The following GPR176 variants were observed in gnomAD, a reference collection of about 807,000 sequenced individuals.
GPR176 encodes G-protein coupled receptor 176.
In GPR176, 26 loss-of-function variants were observed where a neutral mutation model predicts 35.4. The observed-to-expected ratio is 0.74, with a 90% confidence interval of 0.54 to 1.02. GPR176 has a LOEUF of 1.02. Ranked by LOEUF, GPR176 falls within the 50% of genes least tolerant of loss-of-function variation. The pLI is 0.00. For missense variants in GPR176, 597 were observed against 665.3 expected, an observed-to-expected ratio of 0.90 and a Z score of 1.13; for synonymous variants, 278 against 271.3, an observed-to-expected ratio of 1.02 and a Z score of -0.24.
intron 1 of GPR176, among the ~76,000 whole-genome samples, chr15:39,898,104 A>G (rs74008993): frequency 0.012 from 1,773 of 152,192 alleles, 24 homozygotes; most frequent in African/African-American, 0.031. Context: ...GATAAAACTT[A>G]TTATCTTTAT....
At chr15:39,831,934 G>A (rs557367900) in intron 1 of GPR176, among the ~76,000 whole-genome samples, 1 of 151,574 alleles carries the variant, frequency 6.6e-6, no homozygotes, top group South Asian at 2.1e-4. Flanking sequence ...GGTATACAAG[G>A]CTCTTCATGA....
intron 1 of GPR176, among the ~76,000 whole-genome samples, chr15:39,840,295 T>C (rs1018689685): frequency 1.3e-5 from 2 of 152,208 alleles, no homozygotes; most frequent in African/African-American, 4.8e-5. Context: ...TGGAATTCTA[T>C]GCAGCCATAA....
intron 1 of GPR176, among the ~76,000 whole-genome samples, chr15:39,853,672 G>A (rs925301049): frequency 2.0e-5 from 3 of 152,094 alleles, no homozygotes; most frequent in Non-Finnish European, 2.9e-5. Flanking sequence ...GGAACATTTG[G>A]CAATGTAAGG....
At chr15:39,824,614 C>T (rs1366936333) in intron 1 of GPR176, among the ~76,000 whole-genome samples, 1 of 152,240 alleles carries the variant, frequency 6.6e-6, no homozygotes, top group African/African-American at 2.4e-5. Context: ...ATTTTTACCA[C>T]TATAGCCCCA....
chr15:39,821,439 C>T (rs943385839), intron 1 of GPR176, among the ~76,000 whole-genome samples: 2 of 152,152 alleles, frequency 1.3e-5, no homozygotes, highest in African/African-American at 4.8e-5. Flanking sequence ...GCCACAGTTT[C>T]CATTAGTCTT....
chr15:39,841,334 AC>A (rs2029963530), intron 1 of GPR176, among the ~76,000 whole-genome samples: 1 of 64,982 alleles, frequency 1.5e-5, no homozygotes, highest in Non-Finnish European at 3.2e-5. Flanking sequence ...ACCCCACCCC[AC>A]CCCAAAAAAT....
intron 1 of GPR176, among the ~76,000 whole-genome samples, chr15:39,874,454 C>T (rs916819121): frequency 6.6e-6 from 1 of 152,114 alleles, no homozygotes; most frequent in Non-Finnish European, 1.5e-5. Flanking sequence ...ATAACAAATT[C>T]CAAAGTTCTT....
At chr15:39,860,916 G>A (rs950985747) in intron 1 of GPR176, 3 of 152,190 alleles carry the variant, frequency 2.0e-5, no homozygotes, top group African/African-American at 7.2e-5. Flanking sequence ...GGTACCAGGT[G>A]GAAAGCCTAA....
chr15:39,912,919 A>T (rs184145360), intron 1 of GPR176, among the ~76,000 whole-genome samples: 97 of 152,322 alleles, frequency 6.4e-4, no homozygotes, highest in Non-Finnish European at 2.6e-4. Flanking sequence ...TCCTAAAAAG[A>T]AGAGTTACCA....
chr15:39,877,808 C>T (rs527317439), intron 1 of GPR176, among the ~76,000 whole-genome samples: 12 of 152,090 alleles, frequency 7.9e-5, no homozygotes, highest in African/African-American at 2.7e-4. Context: ...GTGATCTGCC[C>T]GCCTTGGCCT....
intron 1 of GPR176, among the ~76,000 whole-genome samples, chr15:39,838,519 G>A (rs1420494202): frequency 1.3e-5 from 2 of 151,996 alleles, no homozygotes; most frequent in Admixed American, 1.3e-4. Flanking sequence ...TAGCCCATAA[G>A]GGTTCAATAT....
chr15:39,844,549 C>A (rs1224409069), intron 1 of GPR176, among the ~76,000 whole-genome samples: 1 of 151,814 alleles, frequency 6.6e-6, no homozygotes, highest in East Asian at 1.9e-4. Flanking sequence ...GTTCCGAGGA[C>A]CTAATGGGAG....
intron 1 of GPR176, among the ~76,000 whole-genome samples, chr15:39,881,108 C>T (rs1051659561): frequency 2.6e-4 from 40 of 152,084 alleles, no homozygotes; most frequent in African/African-American, 8.7e-4. Context: ...ATAATTTATG[C>T]TCCCACCACC....
chr15:39,816,047 A>C (rs1899878703), intron 1 of GPR176, among the ~76,000 whole-genome samples: 2 of 152,256 alleles, frequency 1.3e-5, no homozygotes, highest in Admixed American at 1.3e-4. Context: ...AGCTAGGCAC[A>C]GAAAGACAAA....
chr15:39,873,372 G>T (rs551151176), intron 1 of GPR176, among the ~76,000 whole-genome samples: 2 of 152,276 alleles, frequency 1.3e-5, no homozygotes, highest in East Asian at 3.9e-4. Context: ...GTGATAATGG[G>T]AAACATTTCA....
chr15:39,807,253 A>G lies in GPR176; in HGVS notation c.178T>C (p.Phe60Leu). Residue 60 changes from phenylalanine to leucine, a missense_variant, in exon 2 of 3, where the codon TTC becomes CTC. Physicochemically the swap from Phe to Leu is conservative, Grantham distance 22. Transcript: ENST00000561100. ...CGGCAAGTTGACCATAACACCATGA[A>G]GTTTCCTGGTCAGATATGAAAGAAA... ...VIFIGSLLGNFMVLWSTCRTT... is the reference protein window; with the variant it reads ...VIFIGSLLGNLMVLWSTCRTT... 1 of 1,549,120 alleles carries G rather than the reference A, an allele frequency of 6.5e-7. No homozygotes were observed. Among genetic ancestry groups the G allele is most frequent in the South Asian group, 1.2e-5 (1 of 80,100 alleles).
chr15:39,840,856 A>G (rs1255510983), intron 1 of GPR176, among the ~76,000 whole-genome samples: 1 of 152,206 alleles, frequency 6.6e-6, no homozygotes, highest in Non-Finnish European at 1.5e-5. Flanking sequence ...TTTTACATGT[A>G]TCCTATCATT....
At chr15:39,876,432 C>T (rs1014441375) in intron 1 of GPR176, among the ~76,000 whole-genome samples, 4 of 152,034 alleles carry the variant, frequency 2.6e-5, no homozygotes, top group African/African-American at 7.2e-5. Context: ...TTTAAACACA[C>T]CTTCTCTCTC....
intron 1 of GPR176, among the ~76,000 whole-genome samples, chr15:39,821,072 C>G (rs1302978584): frequency 6.6e-6 from 1 of 151,362 alleles, no homozygotes; most frequent in African/African-American, 2.5e-5. Flanking sequence ...AGAGAATTCG[C>G]CTAACATTTT....
Sources: allele counts gnomAD v4.1 joint callset (sites outside exome capture counted in the v4.1 genomes callset), GRCh38; gene constraint gnomAD v4.1.1; transcripts MANE v1.5; gene names NCBI Gene and HGNC (gene_info 2026-07-23, HGNC 2026-07-21).